KATNAL2: variants seen among roughly 807,000 people sequenced by gnomAD.
KATNAL2 encodes the protein katanin catalytic subunit A1 like 2, also known as katanin p60 ATPase-containing subunit A-like 2.
In KATNAL2, 52 loss-of-function variants were observed where a neutral mutation model predicts 76.3. The ratio of observed to expected loss-of-function variants is 0.68; its 90% CI spans 0.55 to 0.86. The LOEUF is 0.86. Ranked by LOEUF, KATNAL2 falls within the 40% of genes least tolerant of loss-of-function variation. The pLI is 0.00. For synonymous variants in KATNAL2, 243 were observed against 244.2 expected, an observed-to-expected ratio of 1.00 and a Z score of 0.05; for missense variants, 660 against 668.9, an observed-to-expected ratio of 0.99 and a Z score of 0.15.
intron 14 of KATNAL2, chr18:47,076,573 T>G (rs1407132393): frequency 1.3e-5 from 2 of 152,196 alleles, no homozygotes; most frequent in Non-Finnish European, 2.9e-5. Flanking sequence ...GCTATCCTTG[T>G]GTGTGCTCCA....
intron 3 of KATNAL2, chr18:47,033,973 G>A (rs1205355120): frequency 1.1e-5 from 18 of 1,613,456 alleles, no homozygotes; most frequent in Non-Finnish European, 1.4e-5. Context: ...CTGGACAGGA[G>A]GCAATTTCTT....
intron 1 of KATNAL2, among the ~76,000 whole-genome samples, chr18:46,918,830 G>A (rs909224769): frequency 6.6e-6 from 1 of 151,960 alleles, no homozygotes; most frequent in Non-Finnish European, 1.5e-5. Flanking sequence ...CACTTTAAGT[G>A]TCACTTCCTC....
At chr18:47,031,777 C>T (rs1186789030) in intron 3 of KATNAL2, among the ~76,000 whole-genome samples, 2 of 152,140 alleles carry the variant, frequency 1.3e-5, no homozygotes, top group African/African-American at 2.4e-5. Context: ...CCCACCTGGA[C>T]TTTTTTGAGT....
At chr18:47,083,158 A>T (rs920061379) in intron 15 of KATNAL2, among the ~76,000 whole-genome samples, 3 of 152,218 alleles carry the variant, frequency 2.0e-5, no homozygotes, top group Non-Finnish European at 4.4e-5. Flanking sequence ...GATTTCCGGA[A>T]GTCAGTTTAC....
intron 15 of KATNAL2, among the ~76,000 whole-genome samples, chr18:47,091,888 A>G (rs1359262861): frequency 6.6e-6 from 1 of 152,190 alleles, no homozygotes; most frequent in East Asian, 1.9e-4. Context: ...TAGCTGATCC[A>G]AAGTAAAGGC....
intron 3 of KATNAL2, among the ~76,000 whole-genome samples, chr18:47,039,635 A>C (rs956733861): frequency 1.3e-5 from 2 of 152,230 alleles, no homozygotes; most frequent in East Asian, 3.8e-4. Flanking sequence ...AACCCAGTGC[A>C]GTGGATCCAG....
intron 3 of KATNAL2, chr18:47,033,695 G>A: frequency 6.2e-7 from 1 of 1,614,186 alleles, no homozygotes; most frequent in Non-Finnish European, 8.5e-7. Flanking sequence ...GGCACCTGGA[G>A]CTGGCAGGCA....
chr18:46,944,827 C>T (rs2146651594), intron 1 of KATNAL2, among the ~76,000 whole-genome samples: 1 of 152,268 alleles, frequency 6.6e-6, no homozygotes, highest in Admixed American at 6.5e-5. Context: ...ACTCAGGAGA[C>T]TGAGGCAGAG....
At chr18:46,944,929 AAAAT>A (rs555174975) in intron 1 of KATNAL2, among the ~76,000 whole-genome samples, 2 of 152,044 alleles carry the variant, frequency 1.3e-5, no homozygotes, top group Non-Finnish European at 2.9e-5. Flanking sequence ...TCTGTCTCAA[AAAAT>A]AAATAAATAA....
intron 3 of KATNAL2, among the ~76,000 whole-genome samples, chr18:47,040,989 A>G (rs1266659882): frequency 6.6e-6 from 1 of 152,220 alleles, no homozygotes; most frequent in Non-Finnish European, 1.5e-5. Context: ...AACTAATTTG[A>G]AACCATAAAC....
At position 46,946,895 on chromosome 18, in the gene KATNAL2, T is replaced by C; in HGVS notation, c.23T>C (p.Leu8Pro). 6.5e-7 allele frequency: 1 copy of C among 1,535,554 alleles called. No individual in the cohort carries two copies. Among genetic ancestry groups the C allele is most frequent in the Non-Finnish European group, 8.7e-7 (1 of 1,146,360 alleles). The change falls in exon 3 of 18, where the codon CTG (leucine) becomes CCG (proline). Residue 8 changes from leucine to proline, a missense_variant. By Grantham distance (98) the Leu-to-Pro change is moderately conservative. Coordinates refer to ENST00000683218, the MANE Select transcript of KATNAL2 (RefSeq NM_001387690.1). MELSYQT[L>P]KFTHQAREAC... Reference sequence around the variant, plus strand: ...CTGATGGAGCTTTCCTACCAGACCCTGAAATTCACGCATCAGGCGCGGGAA... The same window carrying C: ...CTGATGGAGCTTTCCTACCAGACCCCGAAATTCACGCATCAGGCGCGGGAA...
chr18:46,937,061 C>T lies in KATNAL2; in HGVS notation c.-509-8996C>T, dbSNP rs527521869. Among the ~76,000 whole-genome samples the T allele has an allele frequency of 7.9e-5, 12 of 152,304 alleles. No homozygotes were observed. The South Asian group carries it at 2.5e-3, about 32-fold the overall frequency. Reference sequence around the variant, plus strand: ...AACTGCTAAAAATCTGTTTTTCACTCACCTCTCTATCAGGAAGGCTGTCAT... The same window carrying T: ...AACTGCTAAAAATCTGTTTTTCACTTACCTCTCTATCAGGAAGGCTGTCAT... On this transcript the variant is annotated intron_variant, in intron 1 of 17. Transcript: ENST00000683218.
At chr18:47,033,074 C>T (rs145144237) in intron 3 of KATNAL2, 14 of 1,614,132 alleles carry the variant, frequency 8.7e-6, no homozygotes, top group Non-Finnish European at 1.2e-5. Flanking sequence ...TTCTTGGCAG[C>T]CTGTTTCCGG....
At chr18:46,923,856 G>A (rs1298022445) in intron 1 of KATNAL2, among the ~76,000 whole-genome samples, 1 of 152,116 alleles carries the variant, frequency 6.6e-6, no homozygotes, top group East Asian at 1.9e-4. Context: ...TGTGTCTTTT[G>A]GCTGCATAAA....
intron 15 of KATNAL2, among the ~76,000 whole-genome samples, chr18:47,093,145 G>A (rs1224909017): frequency 6.6e-6 from 1 of 152,082 alleles, no homozygotes; most frequent in Non-Finnish European, 1.5e-5. Flanking sequence ...TGTGACTTGG[G>A]AGTCCACTAG....
At chr18:47,098,989 ATCCTTCCT>A in intron 15 of KATNAL2, 1 of 344,192 alleles carries the variant, frequency 2.9e-6, no homozygotes. Context: ...TCTTCCATTC[ATCCTTCCT>A]TCCTTCTCTT....
At chr18:46,944,337 C>T (rs115497939) in intron 1 of KATNAL2, among the ~76,000 whole-genome samples, 1,844 of 152,174 alleles carry the variant, frequency 0.012, 33 homozygotes, top group African/African-American at 0.041. Context: ...ATAAGTAGTA[C>T]AACAATAAAA....
intron 3 of KATNAL2, among the ~76,000 whole-genome samples, chr18:47,025,502 AGTGTGTGTGTGTGTGTGTGTGT>A (rs139200050): frequency 8.5e-4 from 123 of 144,736 alleles, no homozygotes; most frequent in African/African-American, 2.7e-3. Context: ...TCTCTCTCTC[AGTGTGTGTGTGTGTGTGTGTGT>A]GTGTGTGTGT....
chr18:46,949,314 G>A (rs1363233173), intron 3 of KATNAL2, among the ~76,000 whole-genome samples: 2 of 151,966 alleles, frequency 1.3e-5, no homozygotes, highest in African/African-American at 4.8e-5. Flanking sequence ...ATGCAGTGGT[G>A]TGATCTCAGC....
Sources: allele counts gnomAD v4.1 joint callset (sites outside exome capture counted in the v4.1 genomes callset), GRCh38; gene constraint gnomAD v4.1.1; transcripts MANE v1.5; gene names NCBI Gene and HGNC (gene_info 2026-07-23, HGNC 2026-07-21).